The following LGR6 variants were observed in gnomAD, a reference collection of about 807,000 sequenced individuals.
LGR6 encodes the protein leucine-rich repeat-containing G protein-coupled receptor 6.
Under a neutral mutation model 69.4 loss-of-function variants are expected in LGR6, and 45 were observed. The ratio of observed to expected loss-of-function variants is 0.65; its 90% CI spans 0.51 to 0.83. The LOEUF is 0.83. LGR6 is among the 40% of genes least tolerant of loss of function. LGR6 has a pLI of 0.00. For synonymous variants in LGR6, 538 were observed against 555.0 expected (o/e 0.97, Z 0.43); for missense variants, 1,108 against 1,246.7 (o/e 0.89, Z 1.68).
intron 4 of LGR6, among the ~76,000 whole-genome samples, chr1:202,265,900 A>G (rs921566427): frequency 1.3e-5 from 2 of 152,168 alleles, no homozygotes; most frequent in African/African-American, 4.8e-5. Flanking sequence ...TGGGGGAGAA[A>G]AGTGACCAAA....
At chr1:202,294,206 G>A (rs1355108723) in intron 6 of LGR6, among the ~76,000 whole-genome samples, 1 of 152,288 alleles carries the variant, frequency 6.6e-6, no homozygotes, top group Admixed American at 6.5e-5. Context: ...CTATGCGCCA[G>A]GATTGTTCTG....
intron 4 of LGR6, among the ~76,000 whole-genome samples, chr1:202,240,901 TC>T (rs1662141762): frequency 6.6e-6 from 1 of 152,104 alleles, no homozygotes; most frequent in Non-Finnish European, 1.5e-5. Context: ...AGGCTAAAGC[TC>T]CCCTAAAGCT....
At chr1:202,315,925 G>A (rs555624927) in intron 17 of LGR6, among the ~76,000 whole-genome samples, 48 of 152,292 alleles carry the variant, frequency 3.2e-4, no homozygotes, top group African/African-American at 1.1e-3. Context: ...CAGGGATGAG[G>A]TAAAAGAGGA....
intron 6 of LGR6, among the ~76,000 whole-genome samples, chr1:202,290,393 G>T (rs535759613): frequency 1.3e-5 from 2 of 152,118 alleles, no homozygotes; most frequent in African/African-American, 4.8e-5. Flanking sequence ...AATCCTCCAC[G>T]TCCATTTATC....
At chr1:202,235,373 A>T (rs11810816) in intron 3 of LGR6, among the ~76,000 whole-genome samples, 3,120 of 152,280 alleles carry the variant, frequency 0.02, 114 homozygotes, top group African/African-American at 0.072. Flanking sequence ...AGATTGGGCC[A>T]TGAGAATAGT....
intron 10 of LGR6, among the ~76,000 whole-genome samples, chr1:202,303,737 G>A (rs1156580215): frequency 6.6e-6 from 1 of 152,144 alleles, no homozygotes; most frequent in Non-Finnish European, 1.5e-5. Context: ...TATCTCCTGT[G>A]GCATAGAGGG....
intron 3 of LGR6, among the ~76,000 whole-genome samples, chr1:202,234,424 C>T (rs1398693204): frequency 6.6e-6 from 1 of 152,166 alleles, no homozygotes; most frequent in African/African-American, 2.4e-5. Flanking sequence ...TTCACATACC[C>T]GTAAGAGGAG....
chr1:202,275,606 A>G (rs1450303863), intron 4 of LGR6, among the ~76,000 whole-genome samples: 1 of 152,170 alleles, frequency 6.6e-6, no homozygotes, highest in Non-Finnish European at 1.5e-5. Flanking sequence ...GAGGTCATCA[A>G]CTGAGCAAGA....
intron 6 of LGR6, among the ~76,000 whole-genome samples, chr1:202,284,129 C>T (rs113599512): frequency 3.3e-5 from 5 of 152,150 alleles, no homozygotes; most frequent in African/African-American, 9.7e-5. Flanking sequence ...CCAACTCCAC[C>T]CGCCCCACCC....
At chr1:202,220,257 G>T (rs752621949) in intron 1 of LGR6, among the ~76,000 whole-genome samples, 2 of 150,866 alleles carry the variant, frequency 1.3e-5, no homozygotes, top group East Asian at 3.9e-4. Context: ...TCATTCTGTC[G>T]TCCCGTTCGG....
chr1:202,197,383 G>C (rs1205863102), intron 1 of LGR6: 1 of 532,654 alleles, frequency 1.9e-6, no homozygotes, highest in Admixed American at 1.9e-5. Context: ...TGGGAAGACG[G>C]ACTTCAGATA....
In LGR6 at chr1:202,213,887, T is replaced by C. The variant is rs116066917; in HGVS notation, c.213-11536T>C. Among the ~76,000 whole-genome samples the C allele has an allele frequency of 6.4e-3, 970 of 152,242 alleles. 10 individuals are homozygous for C. Among genetic ancestry groups the C allele is most frequent in the African/African-American group, 0.022 (918 of 41,526 alleles). ...CATTATAAGGGCAGGCAGAGAACTC[T>C]ATTCAGTCCAACTGCAGCATGAGGG... On this transcript the variant is annotated intron_variant, in intron 1 of 17. Coordinates refer to ENST00000367278, the MANE Select transcript of LGR6 (RefSeq NM_001017403.2).
At chr1:202,289,110 G>A (rs544660677) in intron 6 of LGR6, among the ~76,000 whole-genome samples, 7 of 152,346 alleles carry the variant, frequency 4.6e-5, no homozygotes, top group South Asian at 4.1e-4. Flanking sequence ...ACAAGCCTTG[G>A]ATAGAGTACA....
At chr1:202,194,494 C>G in intron 1 of LGR6, 2 of 651,152 alleles carry the variant, frequency 3.1e-6, no homozygotes, top group South Asian at 3.0e-5. Context: ...GGACCCTGAG[C>G]GGGAGGGCGC....
chr1:202,228,013 T>C lies in LGR6; in HGVS notation c.356+6T>C. On this transcript the variant is annotated splice_donor_region_variant and intron_variant, in intron 3 of 17. Coordinates refer to ENST00000367278, the MANE Select transcript of LGR6 (RefSeq NM_001017403.2). ...CTCTACAGCCTGAAAATCCTGTAAG[T>C]ATAGGTACACCTCATTTTACATAGA... is the stretch of plus-strand genomic sequence containing the variant. The C allele has an allele frequency of 1.3e-6, 2 of 1,599,032 alleles. No homozygotes were observed. The highest frequency in any genetic ancestry group is 1.7e-6 in the Non-Finnish European group (2 of 1,166,336).
chr1:202,277,828 G>C (rs1665700167), intron 5 of LGR6, among the ~76,000 whole-genome samples: 1 of 150,894 alleles, frequency 6.6e-6, no homozygotes, highest in Admixed American at 6.6e-5. Flanking sequence ...GAAGGCTGAG[G>C]TGGAGGGGAA....
intron 1 of LGR6, among the ~76,000 whole-genome samples, chr1:202,205,415 C>A (rs200250464): frequency 7.4e-4 from 11 of 14,822 alleles, no homozygotes; most frequent in Admixed American, 9.0e-4. Flanking sequence ...CACCTCCAAA[C>A]ACACACACAC....
At chr1:202,316,385 G>A (rs1654146123) in intron 17 of LGR6, among the ~76,000 whole-genome samples, 1 of 152,120 alleles carries the variant, frequency 6.6e-6, no homozygotes, top group Non-Finnish European at 1.5e-5. Context: ...TCCATTCCCT[G>A]GATTGATTGA....
chr1:202,228,089 T>C (rs1660710368), intron 3 of LGR6, 82 bp downstream of exon 3: 3 of 953,510 alleles, frequency 3.1e-6, no homozygotes, highest in Middle Eastern at 4.8e-4. Context: ...ACCCAAGTCT[T>C]GGTTTACCAC....
Sources: allele counts gnomAD v4.1 joint callset (sites outside exome capture counted in the v4.1 genomes callset), GRCh38; gene constraint gnomAD v4.1.1; transcripts MANE v1.5; gene names NCBI Gene and HGNC (gene_info 2026-07-23, HGNC 2026-07-21).